The following IL17D variants were observed in gnomAD, a reference collection of about 807,000 sequenced individuals.
IL17D encodes the protein interleukin 17D.
A neutral mutation model predicts 5.7 loss-of-function variants in IL17D; 10 were observed. That is an observed-to-expected ratio of 1.75 (90% CI 1.08 to 2.97). The LOEUF is 2.97. Ranked by LOEUF, IL17D falls within the 30% of genes most tolerant of loss-of-function variation. The pLI is 0.00. For missense variants in IL17D, 354 were observed against 292.7 expected, an observed-to-expected ratio of 1.21 and a Z score of -1.53; for synonymous variants, 172 against 141.7, an observed-to-expected ratio of 1.21 and a Z score of -1.52.
At chr13:20,704,599 G>A (rs1209491207) in intron 1 of IL17D, among the ~76,000 whole-genome samples, 2 of 151,900 alleles carry the variant, frequency 1.3e-5, no homozygotes. Context: ...AAACTGCGAA[G>A]GCCCACCCCC....
chr13:20,704,218 G>A lies in IL17D; in HGVS notation c.217G>A (p.Ala73Thr). The change falls in exon 1 of 2, where the codon GCA (alanine) becomes ACA (threonine). Residue 73 changes from alanine (A) to threonine (T), a missense_variant. Coordinates refer to ENST00000682841, the MANE Select transcript of IL17D (RefSeq NM_001385224.1). ...REQARNASCP[A>T]GGRPADRRFR... is the part of the protein sequence containing the mutation. ...GCAGGCGCGCAACGCGAGCTGCCCG[G>A]CAGGGGGCAGGCCCGCCGACCGCCG... 3 of 1,360,932 alleles carry A rather than the reference G, an allele frequency of 2.2e-6. No individual in the cohort carries two copies. The highest frequency in any genetic ancestry group is 2.9e-5 in the Admixed American group (1 of 34,236). 84.3% of individuals were successfully genotyped at this position (1,360,932 alleles called of 1,614,324 possible). A position where few individuals can be genotyped will look rare whatever the true frequency, so the allele number is the denominator to read the frequency against.
At chr13:20,714,391 G>T (rs1021838231) in intron 1 of IL17D, among the ~76,000 whole-genome samples, 1 of 152,230 alleles carries the variant, frequency 6.6e-6, no homozygotes, top group African/African-American at 2.4e-5. Flanking sequence ...TTACCGTGAG[G>T]CTTAGGCAGC....
chr13:20,715,856 A>G (rs2058675071), intron 1 of IL17D, among the ~76,000 whole-genome samples: 1 of 152,016 alleles, frequency 6.6e-6, no homozygotes, highest in Non-Finnish European at 1.5e-5. Flanking sequence ...GGATCCTCCC[A>G]TCTCAGCCTA....
Position 20,722,167 on chromosome 13 carries a change from C to A in IL17D, c.*213C>A, listed in dbSNP as rs1425593475. 2.5e-5 allele frequency: 13 copies of A among 524,208 alleles called. No homozygotes were observed. Among genetic ancestry groups the A allele is most frequent in the African/African-American group, 2.4e-4 (12 of 49,648 alleles). 32.5% of individuals were successfully genotyped at this position (524,208 alleles called of 1,614,324 possible). A position where few individuals can be genotyped will look rare whatever the true frequency, so the allele number is the denominator to read the frequency against. On this transcript the variant is annotated 3_prime_UTR_variant, in exon 2 of 2. Coordinates refer to ENST00000682841, the MANE Select transcript of IL17D (RefSeq NM_001385224.1). Reference sequence around the variant, plus strand: ...TTTTAGCTACAAGCAAGCAGCGTGGCTGGAAGCTGATGGGAAACGACCCGG... The same window carrying A: ...TTTTAGCTACAAGCAAGCAGCGTGGATGGAAGCTGATGGGAAACGACCCGG...
At chr13:20,713,118 C>T (rs1322565734) in intron 1 of IL17D, 1 of 152,130 alleles carries the variant, frequency 6.6e-6, no homozygotes, top group African/African-American at 2.4e-5. Context: ...GCACATAGTA[C>T]ATGAGCACAG....
Position 20,704,286 on chromosome 13 carries a change from C to T in IL17D, c.285C>T (p.Ala95=). The change falls in exon 1 of 2, where the codon GCC becomes GCT. Residue 95 remains alanine (A), a synonymous_variant. Coordinates refer to ENST00000682841, the MANE Select transcript of IL17D (RefSeq NM_001385224.1). ...ACCTGCGCAGCGTGTCGCCCTGGGCCTACAGGTGAGCCGCGGGCGCGTCCT... is the reference window on the plus strand; with the variant it reads ...ACCTGCGCAGCGTGTCGCCCTGGGCTTACAGGTGAGCCGCGGGCGCGTCCT... ...PTNLRSVSPW[A]YRISYDPARY... 1 of 1,212,518 alleles carries T rather than the reference C, an allele frequency of 8.2e-7. No individual in the cohort carries two copies. The highest frequency in any genetic ancestry group is 2.8e-5 in the South Asian group (1 of 35,532). 75.1% of individuals were successfully genotyped at this position (1,212,518 alleles called of 1,614,324 possible). A position where few individuals can be genotyped will look rare whatever the true frequency, so the allele number is the denominator to read the frequency against.
chr13:20,718,666 A>T (rs1293280390), intron 1 of IL17D, among the ~76,000 whole-genome samples: 1 of 80,996 alleles, frequency 1.2e-5, no homozygotes, highest in Non-Finnish European at 2.3e-5. Flanking sequence ...TTACATGCCC[A>T]CGCTCACACA....
At chr13:20,706,825 G>A (rs1048654684) in intron 1 of IL17D, among the ~76,000 whole-genome samples, 4 of 152,180 alleles carry the variant, frequency 2.6e-5, no homozygotes, top group African/African-American at 9.7e-5. Context: ...CACAGGGTTC[G>A]GGGATCGTGG....
intron 1 of IL17D, among the ~76,000 whole-genome samples, chr13:20,711,811 C>A (rs746516214): frequency 6.9e-6 from 1 of 144,648 alleles, no homozygotes; most frequent in Non-Finnish European, 1.5e-5. Flanking sequence ...AAAAGCGCCA[C>A]CTTGGGATAC....
intron 1 of IL17D, among the ~76,000 whole-genome samples, chr13:20,708,237 G>A (rs1261820866): frequency 6.6e-6 from 1 of 152,218 alleles, no homozygotes; most frequent in Non-Finnish European, 1.5e-5. Flanking sequence ...AGAGAATGCT[G>A]AGAAAGACAG....
At chr13:20,714,489 G>A (rs2058663757) in intron 1 of IL17D, among the ~76,000 whole-genome samples, 1 of 152,224 alleles carries the variant, frequency 6.6e-6, no homozygotes, top group Non-Finnish European at 1.5e-5. Flanking sequence ...TGGTGCCTCA[G>A]TTTCCTCACG....
chr13:20,706,758 C>A (rs978685919), intron 1 of IL17D, among the ~76,000 whole-genome samples: 1 of 152,170 alleles, frequency 6.6e-6, no homozygotes, highest in Non-Finnish European at 1.5e-5. Context: ...ACAGATGACA[C>A]CTATGTCGCC....
At chr13:20,704,559 G>A (rs2058576002) in intron 1 of IL17D, among the ~76,000 whole-genome samples, 1 of 149,406 alleles carries the variant, frequency 6.7e-6, no homozygotes, top group African/African-American at 2.5e-5. Flanking sequence ...GGGTGGGGCG[G>A]GGCAGTTGGA....
chr13:20,704,225 GC>G lies in IL17D; in HGVS notation c.225del (p.Arg76GlyfsTer45). The G allele has an allele frequency of 7.5e-7, 1 of 1,341,230 alleles. No homozygotes were observed. Among genetic ancestry groups the G allele is most frequent in the South Asian group, 1.7e-5 (1 of 59,256 alleles). The allele number at this position is 1,341,230 out of a possible 1,614,324, so 83.1% of individuals were successfully genotyped here. A position where few individuals can be genotyped will look rare whatever the true frequency, so the allele number is the denominator to read the frequency against. On this transcript the variant is annotated frameshift_variant, in exon 1 of 2. Transcript: ENST00000682841. LOFTEE classifies it high-confidence loss of function. Reference protein sequence around the residue: ...QARNASCPAGGRPADRRFRPP... With the variant: ...QARNASCPAGXRPADRRFRPP... Reference sequence around the variant, plus strand: ...CGCAACGCGAGCTGCCCGGCAGGGGGCAGGCCCGCCGACCGCCGCTTCCGGC... The same window carrying G: ...CGCAACGCGAGCTGCCCGGCAGGGGGAGGCCCGCCGACCGCCGCTTCCGGC...
intron 1 of IL17D, among the ~76,000 whole-genome samples, chr13:20,718,949 CCT>C (rs1566521440): frequency 1.4e-5 from 2 of 146,320 alleles, no homozygotes; most frequent in East Asian, 2.1e-4. Context: ...CTCACACCTG[CCT>C]CCACACACCT....
chr13:20,719,169 C>T (rs1236128871), intron 1 of IL17D, among the ~76,000 whole-genome samples: 4 of 149,442 alleles, frequency 2.7e-5, no homozygotes, highest in Non-Finnish European at 5.9e-5. Flanking sequence ...CTGCCCATCA[C>T]GCACGCCTGC....
intron 1 of IL17D, among the ~76,000 whole-genome samples, chr13:20,705,971 C>G (rs2058589287): frequency 6.6e-6 from 1 of 152,188 alleles, no homozygotes; most frequent in Admixed American, 6.5e-5. Flanking sequence ...TTCCTGGAGC[C>G]TCTCCCTGCC....
intron 1 of IL17D, among the ~76,000 whole-genome samples, chr13:20,710,737 A>G (rs936350656): frequency 1.3e-5 from 2 of 152,050 alleles, no homozygotes; most frequent in African/African-American, 4.8e-5. Flanking sequence ...GTAGTCGTCT[A>G]AAGATAACTT....
chr13:20,711,503 G>A (rs1287489834), intron 1 of IL17D, among the ~76,000 whole-genome samples: 1 of 152,184 alleles, frequency 6.6e-6, no homozygotes, highest in African/African-American at 2.4e-5. Flanking sequence ...CATGGCAACT[G>A]AGTTTTTAAC....
Sources: allele counts gnomAD v4.1 joint callset (sites outside exome capture counted in the v4.1 genomes callset), GRCh38; gene constraint gnomAD v4.1.1; transcripts MANE v1.5; gene names NCBI Gene and HGNC (gene_info 2026-07-23, HGNC 2026-07-21).